L3MBTL4: variants seen among roughly 807,000 people sequenced by gnomAD.
The protein encoded by L3MBTL4 is L3MBTL histone methyl-lysine binding protein 4.
L3MBTL4 carries 70 observed loss-of-function variants against 84.5 expected under a neutral mutation model. The ratio of observed to expected loss-of-function variants is 0.83; its 90% CI spans 0.68 to 1.01. The LOEUF is 1.01. Ranked by LOEUF, L3MBTL4 falls within the 50% of genes least tolerant of loss-of-function variation. The probability of loss-of-function intolerance (pLI) is 0.00; values close to 1 mark genes in which losing one functional copy is unlikely to be tolerated. For synonymous variants in L3MBTL4, 274 were observed against 259.8 expected (o/e 1.05, Z -0.52); for missense variants, 715 against 754.8 (o/e 0.95, Z 0.62).
chr18:6,071,761 A>AAAAGAAAGAG (rs2057638915), intron 16 of L3MBTL4, among the ~76,000 whole-genome samples: 1 of 92,156 alleles, frequency 1.1e-5, no homozygotes, highest in Non-Finnish European at 2.1e-5. Context: ...AAGAAAGAAA[A>AAAAGAAAGAG]AAAGAAAGAA....
chr18:6,276,603 T>G (rs1412065465), intron 4 of L3MBTL4, among the ~76,000 whole-genome samples: 1 of 151,306 alleles, frequency 6.6e-6, no homozygotes, highest in Non-Finnish European at 1.5e-5. Flanking sequence ...AAATATTAAT[T>G]GAATGCTTAC....
intron 1 of L3MBTL4, among the ~76,000 whole-genome samples, chr18:6,407,734 C>G (rs1166262464): frequency 1.3e-5 from 2 of 152,168 alleles, no homozygotes; most frequent in African/African-American, 4.8e-5. Flanking sequence ...AATCACTCAT[C>G]CTTTATTCAC....
intron 1 of L3MBTL4, among the ~76,000 whole-genome samples, chr18:6,384,098 C>T (rs2054713539): frequency 6.6e-6 from 1 of 152,164 alleles, no homozygotes. Context: ...CATCTGGGGA[C>T]AGCTGTCCTG....
intron 13 of L3MBTL4, among the ~76,000 whole-genome samples, chr18:6,158,096 T>C (rs1403736): frequency 0.99 from 151,098 of 152,352 alleles, 74,928 homozygotes; most frequent in East Asian, 1. Context: ...TTTTGCATTA[T>C]GTGACTAACC....
At chr18:6,257,063 G>A (rs925079517) in intron 5 of L3MBTL4, among the ~76,000 whole-genome samples, 5 of 152,156 alleles carry the variant, frequency 3.3e-5, no homozygotes, top group African/African-American at 1.2e-4. Flanking sequence ...TATATGCCAG[G>A]CACTGTAGTA....
At chr18:6,391,180 A>T (rs2055035226) in intron 1 of L3MBTL4, among the ~76,000 whole-genome samples, 1 of 152,232 alleles carries the variant, frequency 6.6e-6, no homozygotes, top group Non-Finnish European at 1.5e-5. Context: ...ATATTTTAAC[A>T]TACATAAGTC....
intron 16 of L3MBTL4, among the ~76,000 whole-genome samples, chr18:6,067,791 C>T (rs902229174): frequency 6.6e-6 from 1 of 152,126 alleles, no homozygotes; most frequent in African/African-American, 2.4e-5. Context: ...TCTGGTATTT[C>T]AAAGATTTAA....
intron 14 of L3MBTL4, among the ~76,000 whole-genome samples, chr18:6,105,116 A>C (rs1261492194): frequency 1.3e-5 from 2 of 151,886 alleles, no homozygotes; most frequent in Non-Finnish European, 2.9e-5. Context: ...TTTTTCTGCC[A>C]TACACTATTC....
intron 10 of L3MBTL4, among the ~76,000 whole-genome samples, chr18:6,216,446 T>G (rs889911246): frequency 6.6e-6 from 1 of 152,132 alleles, no homozygotes. Context: ...AGTATAGTTT[T>G]ATTTATCTTT....
intron 1 of L3MBTL4, among the ~76,000 whole-genome samples, chr18:6,313,094 T>C (rs2050915617): frequency 6.6e-6 from 1 of 152,238 alleles, no homozygotes; most frequent in Admixed American, 6.5e-5. Flanking sequence ...TGCATACCTT[T>C]ATTGTAGTTT....
At chr18:6,068,923 T>A (rs1311799954) in intron 16 of L3MBTL4, among the ~76,000 whole-genome samples, 1 of 152,200 alleles carries the variant, frequency 6.6e-6, no homozygotes, top group Non-Finnish European at 1.5e-5. Flanking sequence ...GCTCTCCCCC[T>A]TCCCCTAGGA....
chr18:6,335,590 T>G (rs568625073), intron 1 of L3MBTL4, among the ~76,000 whole-genome samples: 4 of 152,214 alleles, frequency 2.6e-5, no homozygotes, highest in Non-Finnish European at 4.4e-5. Flanking sequence ...TGGCTCTGTG[T>G]TCCCACCCAA....
At chr18:6,325,648 G>A (rs72863187) in intron 1 of L3MBTL4, among the ~76,000 whole-genome samples, 6,861 of 152,218 alleles carry the variant, frequency 0.045, 213 homozygotes, top group Non-Finnish European at 0.068. Context: ...AAAAAATTCA[G>A]CATAGCAGTT....
At chr18:6,019,279 T>C (rs763684145) in intron 16 of L3MBTL4, among the ~76,000 whole-genome samples, 5 of 152,184 alleles carry the variant, frequency 3.3e-5, no homozygotes, top group African/African-American at 4.8e-5. Context: ...ACTCTAAGCA[T>C]GAAGGCAATA....
chr18:6,078,366 G>T (rs145572220), intron 16 of L3MBTL4, among the ~76,000 whole-genome samples: 1 of 124,300 alleles, frequency 8.0e-6, no homozygotes, highest in Non-Finnish European at 1.6e-5. Context: ...AGTGGAGATT[G>T]CAGTGAGCCA....
At chr18:6,336,098 T>C (rs2143330525) in intron 1 of L3MBTL4, among the ~76,000 whole-genome samples, 1 of 152,324 alleles carries the variant, frequency 6.6e-6, no homozygotes, top group South Asian at 2.1e-4. Context: ...TAAACATTCT[T>C]TGAGGGTATC....
At chr18:5,972,683 C>T (rs927938742) in intron 16 of L3MBTL4, among the ~76,000 whole-genome samples, 4 of 152,016 alleles carry the variant, frequency 2.6e-5, no homozygotes, top group South Asian at 2.1e-4. Context: ...GATTTTGGGG[C>T]GGGATAGTCA....
chr18:6,281,228 G>T (rs925458478), intron 4 of L3MBTL4, among the ~76,000 whole-genome samples: 3 of 152,148 alleles, frequency 2.0e-5, no homozygotes, highest in Non-Finnish European at 4.4e-5. Flanking sequence ...TTGTCACATG[G>T]TAGGTACTGT....
At chr18:6,356,956 C>G (rs895198338) in intron 1 of L3MBTL4, 6 of 152,218 alleles carry the variant, frequency 3.9e-5, no homozygotes, top group African/African-American at 1.4e-4. Context: ...GGCTACAACA[C>G]TGCCACAGCT....
Sources: gnomAD v4.1 joint callset for allele counts (sites outside exome capture counted in the v4.1 genomes callset) on GRCh38, gnomAD v4.1.1 for gene constraint, MANE v1.5 for transcripts, NCBI Gene and HGNC (gene_info 2026-07-23, HGNC 2026-07-21) for gene names.